Variants in CELA2B observed in about 807,000 individuals in gnomAD.
CELA2B encodes chymotrypsin-like elastase family member 2B.
A neutral mutation model predicts 36.5 loss-of-function variants in CELA2B; 27 were observed. That is an observed-to-expected ratio of 0.74 (90% CI 0.55 to 1.02). CELA2B has a LOEUF of 1.02. Among genes scored for constraint, CELA2B ranks in the 50% least tolerant of loss-of-function variants. The pLI is 0.00. For synonymous variants in CELA2B, 143 were observed against 148.5 expected (o/e 0.96, Z 0.27); for missense variants, 340 against 347.8 (o/e 0.98, Z 0.18).
chr1:15,482,626 A>C (rs1162675297), intron 4 of CELA2B, among the ~76,000 whole-genome samples: 2 of 152,100 alleles, frequency 1.3e-5, no homozygotes, highest in African/African-American at 2.4e-5. Flanking sequence ...CTGCCAGTTA[A>C]GCCTGCAGGG....
intron 2 of CELA2B, 58 bp from the exon 3 acceptor site, chr1:15,481,038 CTG>C: frequency 6.3e-7 from 1 of 1,592,872 alleles, no homozygotes; most frequent in Admixed American, 1.7e-5. Flanking sequence ...TCTTGGGAAA[CTG>C]GAGTGCAGGG....
intron 7 of CELA2B, chr1:15,490,973 A>G: frequency 2.8e-6 from 1 of 362,782 alleles, no homozygotes; most frequent in East Asian, 5.2e-5. Context: ...TTTGATGAGA[A>G]ACAAATGAAA....
chr1:15,486,134 C>A, intron 6 of CELA2B, 88 bp downstream of exon 6: 1 of 1,507,688 alleles, frequency 6.6e-7, no homozygotes, highest in Non-Finnish European at 9.0e-7. Context: ...CTCCATAGGT[C>A]CATCCTCCGA....
At chr1:15,491,114 G>T in intron 7 of CELA2B, 181 bp from the exon 8 acceptor site, 1 of 686,518 alleles carries the variant, frequency 1.5e-6, no homozygotes, top group South Asian at 1.8e-5. Context: ...TCAATGAAAA[G>T]CTGTGATTGC....
At chr1:15,483,011 T>C (rs1278131783) in intron 4 of CELA2B, among the ~76,000 whole-genome samples, 5 of 152,056 alleles carry the variant, frequency 3.3e-5, no homozygotes, top group Non-Finnish European at 7.4e-5. Flanking sequence ...ATGGTCTCGA[T>C]CTCCTGACCT....
intron 2 of CELA2B, among the ~76,000 whole-genome samples, chr1:15,479,635 G>A (rs1359707133): frequency 6.6e-6 from 1 of 152,196 alleles, no homozygotes; most frequent in Non-Finnish European, 1.5e-5. Flanking sequence ...ACTATGAAGA[G>A]TAAAGCAGAG....
intron 6 of CELA2B, among the ~76,000 whole-genome samples, chr1:15,486,527 T>G (rs779676738): frequency 2.0e-5 from 3 of 152,174 alleles, no homozygotes; most frequent in Non-Finnish European, 4.4e-5. Flanking sequence ...GTTTTGAGAT[T>G]CTCCTTGTAG....
intron 2 of CELA2B, among the ~76,000 whole-genome samples, chr1:15,480,709 C>A (rs1708729615): frequency 6.6e-6 from 1 of 152,102 alleles, no homozygotes; most frequent in Non-Finnish European, 1.5e-5. Flanking sequence ...CAGGTCCCTC[C>A]CCCTACCTAT....
intron 2 of CELA2B, among the ~76,000 whole-genome samples, chr1:15,480,566 C>T (rs973573485): frequency 6.6e-6 from 1 of 152,096 alleles, no homozygotes; most frequent in Admixed American, 6.6e-5. Context: ...CTTCTTCACA[C>T]GGTGGCAGCA....
intron 5 of CELA2B, among the ~76,000 whole-genome samples, chr1:15,484,398 G>A (rs1030529582): frequency 3.9e-5 from 6 of 152,096 alleles, no homozygotes; most frequent in Admixed American, 1.3e-4. Flanking sequence ...CCTTATGACC[G>A]TAATGACATT....
At chr1:15,481,039 T>C (rs1708735512) in intron 2 of CELA2B, 59 bp from the exon 3 acceptor site, 6 of 1,594,516 alleles carry the variant, frequency 3.8e-6, no homozygotes, top group East Asian at 2.2e-5. Context: ...CTTGGGAAAC[T>C]GGAGTGCAGG....
At chr1:15,488,412 C>A (rs1708832390) in intron 7 of CELA2B, among the ~76,000 whole-genome samples, 1 of 152,028 alleles carries the variant, frequency 6.6e-6, no homozygotes, top group South Asian at 2.1e-4. Context: ...TAATAGTTGG[C>A]ATAAATATTA....
intron 2 of CELA2B, among the ~76,000 whole-genome samples, chr1:15,480,745 G>A (rs1472928507): frequency 6.6e-6 from 1 of 152,046 alleles, no homozygotes; most frequent in Non-Finnish European, 1.5e-5. Flanking sequence ...TATAATTCAG[G>A]ATGAGATTTG....
chr1:15,486,714 G>A (rs557158991), intron 6 of CELA2B, among the ~76,000 whole-genome samples: 8 of 152,326 alleles, frequency 5.3e-5, no homozygotes, highest in South Asian at 4.1e-4. Flanking sequence ...CATCAATGGC[G>A]CAGTGTGTCC....
chr1:15,487,531 T>C lies in CELA2B; in HGVS notation c.792+94T>C, dbSNP rs1708821056. The stretch of plus-strand genomic sequence containing the variant: ...CACCTGGCGACTGAGAACCCCCTCC[T>C]TCCTCTTGAGAGCTAGATGGGAACC... On this transcript the variant is annotated intron_variant, in intron 7 of 7. Transcript: ENST00000375910. The C allele has an allele frequency of 2.7e-6, 4 of 1,505,126 alleles. No homozygotes were observed. In the South Asian group the frequency reaches 4.8e-5, roughly 18 times the overall value. The allele number at this position is 1,505,126 out of a possible 1,614,324, so 93.2% of individuals were successfully genotyped here. A position where few individuals can be genotyped will look rare whatever the true frequency, so the allele number is the denominator to read the frequency against.
At chr1:15,479,175 A>T (rs1481638669) in intron 2 of CELA2B, among the ~76,000 whole-genome samples, 1 of 152,184 alleles carries the variant, frequency 6.6e-6, no homozygotes, top group Non-Finnish European at 1.5e-5. Flanking sequence ...GTCCAATTTT[A>T]AGCATCTTTT....
chr1:15,488,346 C>A (rs1344275019), intron 7 of CELA2B, among the ~76,000 whole-genome samples: 1 of 152,108 alleles, frequency 6.6e-6, no homozygotes, highest in Non-Finnish European at 1.5e-5. Flanking sequence ...AAGGTCGCAC[C>A]ACTGCACTGC....
chr1:15,476,535 G>A lies in CELA2B; in HGVS notation c.119G>A (p.Trp40Ter), dbSNP rs1010504914. 4 of 1,613,778 alleles carry A rather than the reference G, an allele frequency of 2.5e-6. No homozygotes were observed. Among genetic ancestry groups the A allele is most frequent in the African/African-American group, 2.7e-5 (2 of 74,998 alleles). Residue 40 changes from tryptophan (W) to a stop codon, truncating the protein, a stop_gained, in exon 2 of 8, where the codon TGG (tryptophan) becomes TAG (stop). Coordinates refer to ENST00000375910, the MANE Select transcript of CELA2B (RefSeq NM_015849.3). LOFTEE classifies it high-confidence loss of function. Reference sequence around the variant, plus strand: ...GGTGAAGAAGCGAGGCCCAACAGCTGGCCCTGGCAGGTGAGTTGACCACAC... The same window carrying A: ...GGTGAAGAAGCGAGGCCCAACAGCTAGCCCTGGCAGGTGAGTTGACCACAC... ...LGGEEARPNS[W>*]PWQVSLQYSS...
At chr1:15,477,380 G>A (rs991488906) in intron 2 of CELA2B, among the ~76,000 whole-genome samples, 2 of 152,176 alleles carry the variant, frequency 1.3e-5, no homozygotes, top group Non-Finnish European at 2.9e-5. Context: ...AAAGAAATGT[G>A]TAAAGTTTAC....
Sources: gnomAD v4.1 joint callset for allele counts (sites outside exome capture counted in the v4.1 genomes callset) on GRCh38, gnomAD v4.1.1 for gene constraint, MANE v1.5 for transcripts, NCBI Gene and HGNC (gene_info 2026-07-23, HGNC 2026-07-21) for gene names.